Variants in ARL14EPL observed in about 807,000 individuals in gnomAD.
The protein encoded by ARL14EPL is ARF like GTPase 14 effector protein like.
ARL14EPL carries 17 observed loss-of-function variants against 15.9 expected under a neutral mutation model. The observed-to-expected ratio is 1.07, with a 90% confidence interval of 0.73 to 1.60. The LOEUF (loss-of-function observed/expected upper bound fraction) is 1.60. Ranked by LOEUF, ARL14EPL falls within the 40% of genes most tolerant of loss-of-function variation. The pLI is 0.00. For missense variants in ARL14EPL, 214 were observed against 185.9 expected, an observed-to-expected ratio of 1.15 and a Z score of -0.88; for synonymous variants, 78 against 63.8, an observed-to-expected ratio of 1.22 and a Z score of -1.06.
rs893257628 is a variant in ARL14EPL at position 116,054,158 on chromosome 5, G to A, written c.236+5G>A. Reference sequence around the variant, plus strand: ...ATATTTTTCTACCAAATACAAGTAAGATTCTGACTTATTGTATTTGATCTG... The same window carrying A: ...ATATTTTTCTACCAAATACAAGTAAAATTCTGACTTATTGTATTTGATCTG... On this transcript the variant is annotated splice_donor_5th_base_variant and intron_variant, in intron 3 of 3. Transcript: ENST00000686077. 1.3e-5 allele frequency: 20 copies of A among 1,533,702 alleles called. No individual in the cohort carries two copies. In the African/African-American group the frequency reaches 2.3e-4, roughly 18 times the overall value.
chr5:116,038,340 G>C (rs1249837982), intron 1 of ARL14EPL, among the ~76,000 whole-genome samples: 1 of 152,214 alleles, frequency 6.6e-6, no homozygotes, highest in Non-Finnish European at 1.5e-5. Context: ...CATAGAAACA[G>C]AGGTGCTTAT....
chr5:116,038,905 G>A (rs2662459), intron 1 of ARL14EPL, among the ~76,000 whole-genome samples: 59,848 of 151,868 alleles, frequency 0.39, 12,010 homozygotes, highest in East Asian at 0.63. Flanking sequence ...CTCACCATGA[G>A]AGGCCAAACC....
chr5:116,038,592 C>T (rs1554077550), intron 1 of ARL14EPL, among the ~76,000 whole-genome samples: 1 of 150,076 alleles, frequency 6.7e-6, no homozygotes, highest in Non-Finnish European at 1.5e-5. Flanking sequence ...GAAAGTGACA[C>T]AATGCAGACA....
At position 116,059,100 on chromosome 5, in the gene ARL14EPL, A is replaced by G; in HGVS notation, c.*153A>G. On this transcript the variant is annotated 3_prime_UTR_variant, in exon 4 of 4. Coordinates refer to ENST00000686077, the MANE Select transcript of ARL14EPL (RefSeq NM_001195581.2). ...GCCCCAGAACAATGTAGAATGGGCA[A>G]TAATTCTGTAACCTTCTTAACTGTG... 1.5e-6 allele frequency: 1 copy of G among 684,298 alleles called. No homozygotes were observed. Among genetic ancestry groups the G allele is most frequent in the Non-Finnish European group, 2.4e-6 (1 of 413,426 alleles). The allele number at this position is 684,298 out of a possible 1,614,324, so 42.4% of individuals were successfully genotyped here.
chr5:116,041,734 A>T (rs1749162319), intron 1 of ARL14EPL, among the ~76,000 whole-genome samples: 1 of 152,096 alleles, frequency 6.6e-6, no homozygotes, highest in African/African-American at 2.4e-5. Context: ...AGCTCCATTC[A>T]CTTAGAATGT....
At chr5:116,040,934 A>C (rs563701859) in intron 1 of ARL14EPL, among the ~76,000 whole-genome samples, 9 of 141,002 alleles carry the variant, frequency 6.4e-5, no homozygotes, top group South Asian at 4.7e-4. Context: ...GAGCTGAAAT[A>C]GCGCCACTGC....
At chr5:116,038,934 C>A (rs990928613) in intron 1 of ARL14EPL, among the ~76,000 whole-genome samples, 2 of 146,922 alleles carry the variant, frequency 1.4e-5, no homozygotes, top group Admixed American at 1.4e-4. Context: ...TTTGTAATTA[C>A]AAGCCCCAGA....
At position 116,054,039 on chromosome 5, in the gene ARL14EPL, G is replaced by A. The variant is rs193060013; in HGVS notation, c.122G>A (p.Cys41Tyr). ...CAACAAATAGAGCGGCAGTTAAAAT[G>A]CTTGGCATTTCGAAACCCTGGACCA... ...QLQQIERQLK[C>Y]LAFRNPGPQV... The change falls in exon 3 of 4, where the codon TGC (cysteine) becomes TAC (tyrosine). Residue 41 changes from cysteine (C) to tyrosine (Y), a missense_variant. By Grantham distance (194) the Cys-to-Tyr change is radical. Coordinates refer to ENST00000686077, the MANE Select transcript of ARL14EPL (RefSeq NM_001195581.2). 5 of 1,535,412 alleles carry A rather than the reference G, an allele frequency of 3.3e-6. No individual in the cohort carries two copies. Among genetic ancestry groups the A allele is most frequent in the Non-Finnish European group, 4.4e-6 (5 of 1,146,568 alleles).
chr5:116,053,950 G>T, intron 2 of ARL14EPL, 64 bp from the exon 3 acceptor site: 1 of 1,375,808 alleles, frequency 7.3e-7, no homozygotes, highest in South Asian at 1.5e-5. Flanking sequence ...AGTTCATTTT[G>T]GGGAAATGTA....
intron 1 of ARL14EPL, among the ~76,000 whole-genome samples, chr5:116,049,389 G>A (rs1025201475): frequency 1.3e-5 from 2 of 152,150 alleles, no homozygotes; most frequent in Non-Finnish European, 2.9e-5. Flanking sequence ...ACTCTTCATA[G>A]GAATGTTTGG....
chr5:116,049,344 G>C (rs755889696), intron 1 of ARL14EPL, among the ~76,000 whole-genome samples: 19 of 152,114 alleles, frequency 1.2e-4, no homozygotes, highest in Non-Finnish European at 2.2e-4. Flanking sequence ...TTTTGAAACA[G>C]CTCCATATGA....
chr5:116,032,985 G>C (rs192089749), intron 1 of ARL14EPL, among the ~76,000 whole-genome samples: 13 of 152,236 alleles, frequency 8.5e-5, no homozygotes, highest in Admixed American at 8.5e-4. Flanking sequence ...TTTTAGTTGA[G>C]ATGGGGTTTC....
Position 116,059,072 on chromosome 5 carries a change from C to G in ARL14EPL, c.*125C>G. On this transcript the variant is annotated 3_prime_UTR_variant, in exon 4 of 4. Transcript: ENST00000686077. ...AACATACTGAAGACTCATGTTCTGT[C>G]AAGCCCCAGAACAATGTAGAATGGG... The G allele has an allele frequency of 1.1e-6, 1 of 873,354 alleles. No homozygotes were observed. Among genetic ancestry groups the G allele is most frequent in the Non-Finnish European group, 1.8e-6 (1 of 566,290 alleles). The allele number at this position is 873,354 out of a possible 1,614,324, so 54.1% of individuals were successfully genotyped here. A position where few individuals can be genotyped will look rare whatever the true frequency, so the allele number is the denominator to read the frequency against.
intron 1 of ARL14EPL, among the ~76,000 whole-genome samples, chr5:116,048,728 A>T (rs988572495): frequency 6.6e-6 from 1 of 152,136 alleles, no homozygotes; most frequent in Non-Finnish European, 1.5e-5. Flanking sequence ...ACTTTGGTCC[A>T]AGTGTGGGTA....
chr5:116,035,452 C>T (rs1749031262), intron 1 of ARL14EPL, among the ~76,000 whole-genome samples: 1 of 152,154 alleles, frequency 6.6e-6, no homozygotes, highest in African/African-American at 2.4e-5. Flanking sequence ...CTAGAATTCT[C>T]TATAGTTGGT....
intron 3 of ARL14EPL, 26 bp from the exon 4 acceptor site, chr5:116,058,699 C>G (rs6880121): frequency 0.74 from 1,125,164 of 1,527,648 alleles, 424,268 homozygotes; most frequent in Non-Finnish European, 0.79. Flanking sequence ...GCACTGTCAT[C>G]TTAATGTCAT....
intron 1 of ARL14EPL, among the ~76,000 whole-genome samples, chr5:116,046,156 C>T (rs1191295763): frequency 6.6e-6 from 1 of 152,172 alleles, no homozygotes; most frequent in Non-Finnish European, 1.5e-5. Flanking sequence ...AATAGCTTGA[C>T]TCTCTTGTCT....
chr5:116,033,710 A>G lies in ARL14EPL; in HGVS notation c.-10+1205A>G, dbSNP rs7706997. Among the ~76,000 whole-genome samples the G allele has an allele frequency of 9.4e-3, 1,436 of 152,314 alleles. 20 individuals carry two copies. The highest frequency in any genetic ancestry group is 0.033 in the African/African-American group (1,371 of 41,558). Reference sequence around the variant, plus strand: ...TCCTTGGATCAAGATTTTCAAAATAATAAGTTGCAGGCTTTTTAGTACAAA... The same window carrying G: ...TCCTTGGATCAAGATTTTCAAAATAGTAAGTTGCAGGCTTTTTAGTACAAA... On this transcript the variant is annotated intron_variant, in intron 1 of 3. Transcript: ENST00000686077.
intron 3 of ARL14EPL, among the ~76,000 whole-genome samples, chr5:116,058,277 A>G (rs563151332): frequency 6.6e-6 from 1 of 152,338 alleles, no homozygotes; most frequent in Admixed American, 6.5e-5. Flanking sequence ...AAAATGTGGT[A>G]GTTGCATTCA....
Sources: gnomAD v4.1 joint callset for allele counts (sites outside exome capture counted in the v4.1 genomes callset) on GRCh38, gnomAD v4.1.1 for gene constraint, MANE v1.5 for transcripts, NCBI Gene and HGNC (gene_info 2026-07-23, HGNC 2026-07-21) for gene names.